Variants in TTC28 observed in about 807,000 individuals in gnomAD.
TTC28 encodes the protein tetratricopeptide repeat protein 28.
In TTC28, 61 loss-of-function variants were observed where a neutral mutation model predicts 198.0. The observed-to-expected ratio is 0.31, with a 90% CI of 0.25 to 0.38. The LOEUF (loss-of-function observed/expected upper bound fraction) is 0.38, where lower values mean the gene tolerates loss of function less well. Among genes scored for constraint, TTC28 ranks in the 10% least tolerant of loss-of-function variants. The probability of loss-of-function intolerance (pLI) is 1.00; values close to 1 mark genes in which losing one functional copy is unlikely to be tolerated. For synonymous variants in TTC28, 1,171 were observed against 1,297.8 expected, an observed-to-expected ratio of 0.90 and a Z score of 2.10; for missense variants, 2,678 against 3,164.0, an observed-to-expected ratio of 0.85 and a Z score of 3.69.
intron 1 of TTC28, among the ~76,000 whole-genome samples, chr22:28,642,430 G>GT (rs1035111738): frequency 3.5e-5 from 5 of 143,778 alleles, no homozygotes; most frequent in African/African-American, 1.1e-4. Context: ...GCTGTTTGCC[G>GT]TTTAAAAAAA....
chr22:28,603,287 T>G (rs1310088878), intron 2 of TTC28, among the ~76,000 whole-genome samples: 1 of 152,004 alleles, frequency 6.6e-6, no homozygotes, highest in East Asian at 1.9e-4. Flanking sequence ...TTCCACTAAA[T>G]TAAATTAAAA....
intron 2 of TTC28, among the ~76,000 whole-genome samples, chr22:28,518,600 CCT>C (rs560198258): frequency 3.4e-4 from 52 of 152,104 alleles, no homozygotes; most frequent in African/African-American, 1.1e-3. Flanking sequence ...AGAGTAAGAC[CCT>C]GTCTCTATTT....
intron 2 of TTC28, among the ~76,000 whole-genome samples, chr22:28,606,916 C>T (rs2050744753): frequency 1.3e-5 from 2 of 152,112 alleles, no homozygotes; most frequent in Admixed American, 1.3e-4. Context: ...CAGGTAGCTA[C>T]TCCAAAATGT....
chr22:28,540,173 C>T (rs998678945), intron 2 of TTC28, among the ~76,000 whole-genome samples: 1 of 151,984 alleles, frequency 6.6e-6, no homozygotes, highest in Admixed American at 6.6e-5. Context: ...GTCTCTATCT[C>T]CTGACCTCAT....
intron 13 of TTC28, among the ~76,000 whole-genome samples, chr22:28,022,946 T>C (rs959318931): frequency 6.6e-6 from 1 of 152,232 alleles, no homozygotes; most frequent in Non-Finnish European, 1.5e-5. Flanking sequence ...TGCAATAAGC[T>C]GCGGGCGCTT....
intron 1 of TTC28, among the ~76,000 whole-genome samples, chr22:28,660,872 G>A (rs2051731861): frequency 6.6e-6 from 1 of 151,572 alleles, no homozygotes; most frequent in African/African-American, 2.4e-5. Context: ...TGGCCAGAAT[G>A]GTCTCGAACT....
chr22:28,567,724 C>T (rs776365609), intron 2 of TTC28, among the ~76,000 whole-genome samples: 6 of 150,916 alleles, frequency 4.0e-5, no homozygotes, highest in Non-Finnish European at 8.8e-5. Flanking sequence ...AGAAAGTATA[C>T]CACCAAAACA....
At chr22:28,457,148 C>T (rs75062163) in intron 2 of TTC28, among the ~76,000 whole-genome samples, 2,881 of 152,186 alleles carry the variant, frequency 0.019, 28 homozygotes, top group Non-Finnish European at 0.026. Flanking sequence ...ACACCACGGC[C>T]CTTGCAGTGT....
At chr22:28,312,443 T>C (rs1450243783) in intron 2 of TTC28, among the ~76,000 whole-genome samples, 1 of 152,148 alleles carries the variant, frequency 6.6e-6, no homozygotes, top group African/African-American at 2.4e-5. Context: ...TATTCTAAAA[T>C]TGACCACATA....
At chr22:28,426,211 C>CAAA (rs34448246) in intron 2 of TTC28, among the ~76,000 whole-genome samples, 21 of 85,592 alleles carry the variant, frequency 2.5e-4, no homozygotes, top group East Asian at 1.2e-3. Context: ...GACTCCACGT[C>CAAA]AAAAAAAAAA....
chr22:28,277,762 T>G (rs1601568315), intron 5 of TTC28, among the ~76,000 whole-genome samples: 1 of 152,308 alleles, frequency 6.6e-6, no homozygotes, highest in East Asian at 1.9e-4. Flanking sequence ...CTTTAAACTT[T>G]AGTTTTCTCA....
chr22:28,216,435 G>C (rs1927407350), intron 5 of TTC28, among the ~76,000 whole-genome samples: 1 of 152,154 alleles, frequency 6.6e-6, no homozygotes, highest in African/African-American at 2.4e-5. Context: ...TCAGCCATAA[G>C]GTATTTGGAG....
intron 2 of TTC28, among the ~76,000 whole-genome samples, chr22:28,571,118 C>T (rs2146026166): frequency 6.6e-6 from 1 of 152,192 alleles, no homozygotes; most frequent in East Asian, 1.9e-4. Flanking sequence ...GGTCAATGCT[C>T]ATAAAAATAC....
chr22:28,629,909 T>C, intron 1 of TTC28, 79 bp from the exon 2 acceptor site: 2 of 1,265,052 alleles, frequency 1.6e-6, no homozygotes, highest in Admixed American at 2.6e-5. Flanking sequence ...TGGATGTCTG[T>C]CCCCTCCAGT....
At chr22:28,545,795 A>C (rs1447019368) in intron 2 of TTC28, among the ~76,000 whole-genome samples, 3 of 152,152 alleles carry the variant, frequency 2.0e-5, no homozygotes, top group African/African-American at 4.8e-5. Flanking sequence ...ACTATATAAG[A>C]AAAATTACAG....
In TTC28 at chr22:28,212,164, A is replaced by G. The variant is rs540642619; in HGVS notation, c.934-48565T>C. On this transcript the variant is annotated intron_variant, in intron 5 of 22. Coordinates refer to ENST00000397906, the MANE Select transcript of TTC28 (RefSeq NM_001145418.2). ...AAATTTATAGCACTAAATGCCCACA[A>G]GAGAAAGCAGGAAAGTTCTAAAATT... Among the ~76,000 whole-genome samples, 23 of 152,220 alleles carry G rather than the reference A, an allele frequency of 1.5e-4. 1 individual carries two copies. The highest frequency in any genetic ancestry group is 3.1e-4 in the Non-Finnish European group (21 of 68,016).
intron 6 of TTC28, among the ~76,000 whole-genome samples, chr22:28,156,556 A>G (rs942665047): frequency 6.6e-6 from 1 of 152,246 alleles, no homozygotes; most frequent in African/African-American, 2.4e-5. Context: ...GGCAGATGGC[A>G]AGAGGAGTGG....
At chr22:28,308,947 G>A (rs1484076628) in intron 2 of TTC28, among the ~76,000 whole-genome samples, 2 of 152,138 alleles carry the variant, frequency 1.3e-5, no homozygotes, top group Non-Finnish European at 2.9e-5. Context: ...CAAACTCAAA[G>A]AGTGGGGCTC....
intron 5 of TTC28, among the ~76,000 whole-genome samples, chr22:28,255,610 G>A (rs1930845894): frequency 1.3e-5 from 2 of 151,910 alleles, no homozygotes; most frequent in African/African-American, 4.8e-5. Context: ...GAACCCGGGA[G>A]GCAGAGATTG....
Sources: gnomAD v4.1 joint callset for allele counts (sites outside exome capture counted in the v4.1 genomes callset) on GRCh38, gnomAD v4.1.1 for gene constraint, MANE v1.5 for transcripts, NCBI Gene and HGNC (gene_info 2026-07-23, HGNC 2026-07-21) for gene names.